STIM1: variants seen among roughly 807,000 people sequenced by gnomAD.
STIM1 encodes stromal interaction molecule 1.
STIM1 carries 25 observed loss-of-function variants against 74.7 expected under a neutral mutation model. That is an observed-to-expected ratio of 0.33 (90% CI 0.24 to 0.47). The LOEUF is 0.47. Among genes scored for constraint, STIM1 ranks in the 20% least tolerant of loss-of-function variants. The probability of loss-of-function intolerance (pLI) is 1.00; values close to 1 mark genes in which losing one functional copy is unlikely to be tolerated. For missense variants in STIM1, 728 were observed against 920.8 expected, an observed-to-expected ratio of 0.79 and a Z score of 2.71; for synonymous variants, 328 against 348.8, an observed-to-expected ratio of 0.94 and a Z score of 0.66.
intron 2 of STIM1, among the ~76,000 whole-genome samples, chr11:3,979,369 TG>T: frequency 6.6e-6 from 1 of 152,216 alleles, no homozygotes; most frequent in Non-Finnish European, 1.5e-5. Context: ...TTCCTTTTCC[TG>T]TTTCCTTTAA....
At chr11:4,074,827 G>C in intron 7 of STIM1, 148 bp downstream of exon 7, 1 of 950,186 alleles carries the variant, frequency 1.1e-6, no homozygotes, top group Admixed American at 2.6e-5. Flanking sequence ...CCAACAATAA[G>C]AGTTCAAGTT....
intron 1 of STIM1, among the ~76,000 whole-genome samples, chr11:3,908,616 A>AG (rs1161729595): frequency 2.6e-5 from 4 of 151,856 alleles, no homozygotes; most frequent in African/African-American, 4.8e-5. Context: ...CATCTCAAAA[A>AG]AAAAAAAAGT....
intron 1 of STIM1, among the ~76,000 whole-genome samples, chr11:3,921,092 G>A (rs1430646894): frequency 2.6e-5 from 4 of 152,070 alleles, no homozygotes; most frequent in African/African-American, 7.2e-5. Flanking sequence ...CACTGCACCC[G>A]ACCTACCCTT....
At position 4,086,287 on chromosome 11, in the gene STIM1, C is replaced by A. The variant is rs910354449; in HGVS notation, c.1568-190C>A. On this transcript the variant is annotated intron_variant, in intron 11 of 12. Coordinates refer to ENST00000526596, the MANE Select transcript of STIM1 (RefSeq NM_001382567.1). The stretch of plus-strand genomic sequence containing the variant: ...GAATTGCCACTAAAACTGACCTGGG[C>A]ACTTCATCTTCAATTTCCCATCCTT... 10 of 635,654 alleles carry A rather than the reference C, an allele frequency of 1.6e-5. No homozygotes were observed. The African/African-American group carries it at 1.7e-4, about 11-fold the overall frequency. 39.4% of individuals were successfully genotyped at this position (635,654 alleles called of 1,614,324 possible).
chr11:3,971,936 G>A (rs926847967), intron 2 of STIM1, among the ~76,000 whole-genome samples: 1 of 152,160 alleles, frequency 6.6e-6, no homozygotes, highest in Non-Finnish European at 1.5e-5. Flanking sequence ...AGTAGAAGTA[G>A]CATAAACCTG....
At chr11:3,893,651 AT>A (rs71466135) in intron 1 of STIM1, among the ~76,000 whole-genome samples, 2,896 of 143,778 alleles carry the variant, frequency 0.02, 40 homozygotes, top group Middle Eastern at 0.045. Flanking sequence ...CTGGGTCAAC[AT>A]TTTTTTTTTT....
intron 1 of STIM1, among the ~76,000 whole-genome samples, chr11:3,894,817 C>T (rs986979793): frequency 1.3e-5 from 2 of 152,068 alleles, no homozygotes; most frequent in African/African-American, 4.8e-5. Flanking sequence ...CAGCTCACTG[C>T]AACCTCCGCC....
intron 1 of STIM1, among the ~76,000 whole-genome samples, chr11:3,888,948 G>T (rs1230532554): frequency 6.6e-6 from 1 of 151,770 alleles, no homozygotes; most frequent in African/African-American, 2.4e-5. Flanking sequence ...TGGGGGTGGA[G>T]CTCTGTAAAT....
At chr11:3,936,184 T>C (rs936653997) in intron 1 of STIM1, among the ~76,000 whole-genome samples, 2 of 152,192 alleles carry the variant, frequency 1.3e-5, no homozygotes, top group Admixed American at 1.3e-4. Context: ...ACAGAGAAGT[T>C]AAGTGACTTG....
At chr11:3,898,455 T>G (rs2092253468) in intron 1 of STIM1, among the ~76,000 whole-genome samples, 1 of 137,864 alleles carries the variant, frequency 7.3e-6, no homozygotes, top group Non-Finnish European at 1.5e-5. Context: ...TTTTCTCCCA[T>G]TTTGTCAGTT....
intron 1 of STIM1, among the ~76,000 whole-genome samples, chr11:3,877,864 C>T (rs943077751): frequency 6.6e-6 from 1 of 152,170 alleles, no homozygotes; most frequent in Non-Finnish European, 1.5e-5. Flanking sequence ...CTGGGAATAC[C>T]AGTCTCCTCT....
intron 2 of STIM1, among the ~76,000 whole-genome samples, chr11:3,973,652 C>T (rs564115834): frequency 1.3e-5 from 2 of 152,134 alleles, no homozygotes; most frequent in Non-Finnish European, 2.9e-5. Flanking sequence ...CTGCCTCGGC[C>T]TCCCAAAGTG....
chr11:3,931,896 A>G lies in STIM1; in HGVS notation c.140-35656A>G, dbSNP rs773931889. On this transcript the variant is annotated intron_variant, in intron 1 of 12. Coordinates refer to ENST00000526596, the MANE Select transcript of STIM1 (RefSeq NM_001382567.1). The stretch of plus-strand genomic sequence containing the variant: ...TAGCCTACCCTGTGGAACACGGGCC[A>G]TACAGGGGATTGAGGCCCTGGGTTT... 2.6e-5 allele frequency among the ~76,000 whole-genome samples: 4 copies of G among 152,190 alleles called. 1 individual carries two copies. The South Asian group carries it at 8.3e-4, about 31-fold the overall frequency.
At chr11:3,929,658 A>G (rs1408345702) in intron 1 of STIM1, among the ~76,000 whole-genome samples, 1 of 152,248 alleles carries the variant, frequency 6.6e-6, no homozygotes, top group Non-Finnish European at 1.5e-5. Flanking sequence ...AAACAAGCCT[A>G]GAGAATACTG....
At chr11:4,073,093 C>A (rs1249071240) in intron 6 of STIM1, among the ~76,000 whole-genome samples, 1 of 65,332 alleles carries the variant, frequency 1.5e-5, no homozygotes, top group African/African-American at 4.8e-5. Flanking sequence ...CTGTTTGTTT[C>A]ATCTACTTAA....
At chr11:3,873,910 A>G (rs1358335579) in intron 1 of STIM1, among the ~76,000 whole-genome samples, 1 of 152,108 alleles carries the variant, frequency 6.6e-6, no homozygotes, top group Non-Finnish European at 1.5e-5. Context: ...TGAAGGGCAG[A>G]GGCTTTCCCT....
At position 4,092,087 on chromosome 11, in the gene STIM1, C is replaced by T. The variant is rs576214973; in HGVS notation, c.*289C>T. ...TAGTTGCTGTTCCCTCAGCTCCCAG[C>T]TCCACCTCTGGGGTTCAGCTTCTGT... On this transcript the variant is annotated 3_prime_UTR_variant, in exon 13 of 13. Transcript: ENST00000526596. 1.2e-5 allele frequency: 6 copies of T among 489,042 alleles called. No homozygotes were observed. Among genetic ancestry groups the T allele is most frequent in the Admixed American group, 9.8e-5 (3 of 30,558 alleles). The allele number at this position is 489,042 out of a possible 1,614,324, so 30.3% of individuals were successfully genotyped here.
chr11:4,018,356 G>A (rs1315472093), intron 2 of STIM1, among the ~76,000 whole-genome samples: 4 of 147,156 alleles, frequency 2.7e-5, no homozygotes, highest in Non-Finnish European at 6.0e-5. Flanking sequence ...GGAGGCTGAG[G>A]CAGGATAATG....
At chr11:4,039,111 A>G (rs1173054899) in intron 3 of STIM1, among the ~76,000 whole-genome samples, 1 of 152,152 alleles carries the variant, frequency 6.6e-6, no homozygotes, top group Non-Finnish European at 1.5e-5. Context: ...AGAATAAGAT[A>G]TCCAAAGCTT....
Sources: gnomAD v4.1 joint callset for allele counts (sites outside exome capture counted in the v4.1 genomes callset) on GRCh38, gnomAD v4.1.1 for gene constraint, MANE v1.5 for transcripts, NCBI Gene and HGNC (gene_info 2026-07-23, HGNC 2026-07-21) for gene names.